The following FAT3 variants were observed in gnomAD, a reference collection of about 807,000 sequenced individuals.
FAT3 encodes the protein protocadherin Fat 3.
Under a neutral mutation model 310.2 loss-of-function variants are expected in FAT3, and 95 were observed. The observed-to-expected ratio is 0.31, with a 90% CI of 0.26 to 0.36. FAT3 has a LOEUF of 0.36. Ranked by LOEUF, FAT3 falls within the 10% of genes least tolerant of loss-of-function variation. The probability of loss-of-function intolerance (pLI) is 1.00; values close to 1 mark genes in which losing one functional copy is unlikely to be tolerated. For synonymous variants in FAT3, 2,314 were observed against 2,192.9 expected (o/e 1.06, Z -1.54); for missense variants, 5,408 against 5,715.6 (o/e 0.95, Z 1.74).
At chr11:92,555,195 A>G (rs1182109702) in intron 3 of FAT3, among the ~76,000 whole-genome samples, 1 of 152,336 alleles carries the variant, frequency 6.6e-6, no homozygotes, top group African/African-American at 2.4e-5. Flanking sequence ...TTCCTGGAAT[A>G]TGAGATAACT....
chr11:92,425,682 G>A (rs180779925), intron 2 of FAT3, among the ~76,000 whole-genome samples: 2 of 152,036 alleles, frequency 1.3e-5, no homozygotes, highest in East Asian at 1.9e-4. Context: ...GGTGGTTTCC[G>A]ACTTTATCTG....
chr11:92,353,268 A>C lies in FAT3; in HGVS notation c.1156A>C (p.Ser386Arg). The C allele has an allele frequency of 6.2e-7, 1 of 1,613,738 alleles. No individual in the cohort carries two copies. The highest frequency in any genetic ancestry group is 8.5e-7 in the Non-Finnish European group (1 of 1,179,840). Reference protein sequence around the residue: ...FEKEVYDVSISEFSPPGVVVA... With the variant: ...FEKEVYDVSIREFSPPGVVVA... ...AAAAGAAGTGTACGATGTGAGCATAAGTGAATTTTCCCCTCCTGGTGTCGT... is the reference window on the plus strand; with the variant it reads ...AAAAGAAGTGTACGATGTGAGCATACGTGAATTTTCCCCTCCTGGTGTCGT... Residue 386 changes from serine (S) to arginine (R), a missense_variant, in exon 2 of 28, where the codon AGT becomes CGT. This residue lies in a region of FAT3 where 4,588 missense variants were observed against 4,809.8 expected (regional missense o/e 0.95). Transcript: ENST00000525166.
chr11:92,611,502 G>C (rs990858899), intron 3 of FAT3, among the ~76,000 whole-genome samples: 12 of 152,086 alleles, frequency 7.9e-5, no homozygotes, highest in Non-Finnish European at 1.3e-4. Flanking sequence ...CCACCTCCCG[G>C]GTTCAAGCGA....
At chr11:92,811,893 A>C (rs547039073) in intron 13 of FAT3, among the ~76,000 whole-genome samples, 17 of 152,328 alleles carry the variant, frequency 1.1e-4, no homozygotes, top group Non-Finnish European at 2.2e-4. Flanking sequence ...TTAGCTTTAA[A>C]ATGTAAAAGA....
At chr11:92,767,344 C>G (rs1208645944) in intron 6 of FAT3, among the ~76,000 whole-genome samples, 6 of 151,882 alleles carry the variant, frequency 4.0e-5, no homozygotes, top group Non-Finnish European at 8.8e-5. Flanking sequence ...AGATGAGTTG[C>G]CCTTTCTCAT....
At position 92,346,545 on chromosome 11, in the gene FAT3, C is replaced by G. The variant is rs547141235; in HGVS notation, c.-17-5551C>G. Among the ~76,000 whole-genome samples, 18 of 152,246 alleles carry G rather than the reference C, an allele frequency of 1.2e-4. No homozygotes were observed. The South Asian group carries it at 3.7e-3, about 32-fold the overall frequency. On this transcript the variant is annotated intron_variant, in intron 1 of 27. Coordinates refer to ENST00000525166, the MANE Select transcript of FAT3 (RefSeq NM_001367949.2). ...CCCTCTCTGGACCCTTTATCCTTAC[C>G]TCAGTTTTACTCGTTTTTTGTTTTG...
At chr11:92,739,363 A>G (rs1945441964) in intron 4 of FAT3, among the ~76,000 whole-genome samples, 1 of 152,156 alleles carries the variant, frequency 6.6e-6, no homozygotes, top group Admixed American at 6.6e-5. Flanking sequence ...GGTCCTATCC[A>G]CTGAAGCATG....
chr11:92,655,885 T>C (rs1055886564), intron 3 of FAT3, among the ~76,000 whole-genome samples: 1 of 152,230 alleles, frequency 6.6e-6, no homozygotes, highest in African/African-American at 2.4e-5. Context: ...TAACCTTGCA[T>C]TGTCCAGAAT....
At chr11:92,300,390 A>G (rs1220416387) in intron 1 of FAT3, among the ~76,000 whole-genome samples, 1 of 152,120 alleles carries the variant, frequency 6.6e-6, no homozygotes, top group Non-Finnish European at 1.5e-5. Flanking sequence ...CTGCTAGACC[A>G]TGAGAACTTC....
intron 4 of FAT3, among the ~76,000 whole-genome samples, chr11:92,698,764 A>G (rs2135911225): frequency 6.6e-6 from 1 of 152,270 alleles, no homozygotes; most frequent in Middle Eastern, 3.4e-3. Context: ...ACTTAAATAC[A>G]TTTGCCAGAA....
At chr11:92,411,791 T>C (rs1276279877) in intron 2 of FAT3, among the ~76,000 whole-genome samples, 1 of 151,976 alleles carries the variant, frequency 6.6e-6, no homozygotes, top group East Asian at 1.9e-4. Flanking sequence ...CTCAAAAGCC[T>C]GTTTCCTCTG....
chr11:92,412,584 T>C (rs1950300487), intron 2 of FAT3, among the ~76,000 whole-genome samples: 1 of 146,966 alleles, frequency 6.8e-6, no homozygotes. Flanking sequence ...GATTCCCACA[T>C]AGATACATTT....
intron 3 of FAT3, among the ~76,000 whole-genome samples, chr11:92,581,774 C>A (rs1938815084): frequency 6.6e-6 from 1 of 151,928 alleles, no homozygotes; most frequent in South Asian, 2.1e-4. Context: ...ATATGCCAGG[C>A]ATGATGTAAA....
intron 1 of FAT3, among the ~76,000 whole-genome samples, chr11:92,339,713 A>C (rs1369538803): frequency 6.6e-6 from 1 of 152,112 alleles, no homozygotes; most frequent in Non-Finnish European, 1.5e-5. Context: ...AGGGGAAGCC[A>C]GTTGAACTTG....
chr11:92,396,958 C>A lies in FAT3; in HGVS notation c.3292+41554C>A, dbSNP rs533096200. ...CTGACCTCTGTTAATCCGTCTACAT[C>A]GGCCTCCCAAAATGCTGGGACTGCA... On this transcript the variant is annotated intron_variant, in intron 2 of 27. Coordinates refer to ENST00000525166, the MANE Select transcript of FAT3 (RefSeq NM_001367949.2). 5.1e-4 allele frequency among the ~76,000 whole-genome samples: 78 copies of A among 152,250 alleles called. 1 individual carries two copies. The highest frequency in any genetic ancestry group is 1.3e-3 in the African/African-American group (54 of 41,546).
chr11:92,788,937 T>C (rs898105793), intron 7 of FAT3, among the ~76,000 whole-genome samples: 1 of 152,178 alleles, frequency 6.6e-6, no homozygotes, highest in East Asian at 1.9e-4. Context: ...AACCCATTTA[T>C]GGATGTATTA....
At position 92,831,720 on chromosome 11, in the gene FAT3, G is replaced by A; in HGVS notation, c.9580G>A (p.Asp3194Asn). Residue 3194 changes from aspartate (D) to asparagine (N), a missense_variant, in exon 14 of 28, where the codon GAC (aspartate) becomes AAC (asparagine). Physicochemically the swap from Asp to Asn is conservative, Grantham distance 23. This residue lies in a region of FAT3 where 4,588 missense variants were observed against 4,809.8 expected (regional missense o/e 0.95). Transcript: ENST00000525166. ...CATCATCATCCTGGAGCAGCCACTG[G>A]ACCGTGAGCAGCAGTCTTCGTACAA... is the stretch of plus-strand genomic sequence containing the variant. ...SGIIILEQPL[D>N]REQQSSYNIS... 1 of 1,613,570 alleles carries A rather than the reference G, an allele frequency of 6.2e-7. No individual in the cohort carries two copies. The highest frequency in any genetic ancestry group is 2.2e-5 in the East Asian group (1 of 44,824).
intron 2 of FAT3, among the ~76,000 whole-genome samples, chr11:92,483,603 T>C (rs1236962340): frequency 2.6e-5 from 4 of 152,172 alleles, no homozygotes; most frequent in Middle Eastern, 3.2e-3. Context: ...CTCACCTATA[T>C]TTTCCTCTAT....
intron 1 of FAT3, among the ~76,000 whole-genome samples, chr11:92,339,101 C>A (rs140894955): frequency 6.6e-6 from 1 of 152,242 alleles, no homozygotes; most frequent in East Asian, 1.9e-4. Context: ...CTATCCTTCC[C>A]AATATAGTTG....
Sources: allele counts gnomAD v4.1 joint callset (sites outside exome capture counted in the v4.1 genomes callset), GRCh38; gene constraint gnomAD v4.1.1; regional missense constraint gnomAD v4.1.1; transcripts MANE v1.5; gene names NCBI Gene and HGNC (gene_info 2026-07-23, HGNC 2026-07-21).